The following ZNF512 variants were observed in gnomAD, a reference collection of about 807,000 sequenced individuals.
ZNF512 encodes zinc finger protein 512.
Under a neutral mutation model 77.5 loss-of-function variants are expected in ZNF512, and 25 were observed. That is an observed-to-expected ratio of 0.32 (90% CI 0.23 to 0.45). The LOEUF (loss-of-function observed/expected upper bound fraction) is 0.45. ZNF512 is among the 20% of genes least tolerant of loss of function. ZNF512 has a pLI of 1.00. For missense variants in ZNF512, 483 were observed against 692.6 expected (o/e 0.70, Z 3.40); for synonymous variants, 246 against 239.9 (o/e 1.03, Z -0.24).
intron 5 of ZNF512, 31 bp from the exon 6 acceptor site, chr2:27,600,659 GA>G: frequency 1.2e-6 from 2 of 1,602,992 alleles, no homozygotes; most frequent in Non-Finnish European, 1.7e-6. Flanking sequence ...GAATACTGCA[GA>G]TTACAAAGTG....
intron 2 of ZNF512, among the ~76,000 whole-genome samples, chr2:27,591,754 G>T (rs1355805301): frequency 6.6e-6 from 1 of 152,232 alleles, no homozygotes; most frequent in Non-Finnish European, 1.5e-5. Context: ...TGTTGCCCAG[G>T]CTGGTCTTGA....
At chr2:27,609,869 CAAA>C (rs34097136) in intron 10 of ZNF512, among the ~76,000 whole-genome samples, 1 of 131,204 alleles carries the variant, frequency 7.6e-6, no homozygotes, top group Non-Finnish European at 1.7e-5. Flanking sequence ...AAATCTGTCT[CAAA>C]AAAAAAAAAA....
rs1672048015 is a variant in ZNF512 at position 27,600,040 on chromosome 2, A to G, written c.444A>G (p.Pro148=). 6.2e-7 allele frequency: 1 copy of G among 1,614,164 alleles called. No homozygotes were observed. Among genetic ancestry groups the G allele is most frequent in the Non-Finnish European group, 8.5e-7 (1 of 1,180,024 alleles). ...CCCGTCGTATTCGGAAGGAACCACC[A>G]GTTTATGCAGCAGGTATGTTTTCTT... The part of the protein sequence containing the change: ...SQARRIRKEP[P]VYAAGSLEEQ... The change falls in exon 5 of 14, where the codon CCA becomes CCG. Residue 148 remains proline, a synonymous_variant. Transcript: ENST00000355467.
rs11273312 is a variant in ZNF512 at position 27,603,573 on chromosome 2, A to AGTGTGTGTGTGTGTGTGT, written c.936+280_936+281insGTGTGTGTGTGTGTGTGT. 2.8e-3 allele frequency among the ~76,000 whole-genome samples: 376 copies of AGTGTGTGTGTGTGTGTGT among 133,170 alleles called. 3 individuals carry two copies. The highest frequency in any genetic ancestry group is 9.5e-3 in the African/African-American group (307 of 32,420). The allele number at this position is 133,170 out of a possible 152,430, so 87.4% of individuals were successfully genotyped here. On this transcript the variant is annotated intron_variant, in intron 9 of 13. Transcript: ENST00000355467. Reference sequence around the variant, plus strand: ...TTTTATATCTTATATATTTTTATATAGTGTGTGTGTGTGTATATTTTTTTT... The same window carrying AGTGTGTGTGTGTGTGTGT: ...TTTTATATCTTATATATTTTTATATAGTGTGTGTGTGTGTGTGTGTGTGTGTGTGTGTATATTTTTTTT...
chr2:27,594,006 C>T (rs963050782), intron 2 of ZNF512, among the ~76,000 whole-genome samples: 38 of 152,222 alleles, frequency 2.5e-4, no homozygotes, highest in African/African-American at 8.2e-4. Flanking sequence ...TCGACAAAAC[C>T]GCCATCATCA....
chr2:27,618,299 T>C (rs557202424), intron 13 of ZNF512, among the ~76,000 whole-genome samples: 94 of 152,370 alleles, frequency 6.2e-4, no homozygotes, highest in African/African-American at 2.1e-3. Flanking sequence ...GAAATTCTTA[T>C]TTCACAGTGA....
intron 2 of ZNF512, among the ~76,000 whole-genome samples, chr2:27,594,288 C>T (rs865902821): frequency 2.0e-5 from 3 of 148,154 alleles, no homozygotes; most frequent in South Asian, 2.1e-4. Context: ...CTCCTCAGTT[C>T]GCAGACGGGG....
At chr2:27,594,435 A>G (rs1179550239) in intron 2 of ZNF512, among the ~76,000 whole-genome samples, 487 of 52,618 alleles carry the variant, frequency 9.3e-3, no homozygotes, top group African/African-American at 1.0e-2. Flanking sequence ...CTGGGCAGAG[A>G]CGCTCCTCAC....
intron 5 of ZNF512, 94 bp downstream of exon 5, chr2:27,600,147 T>C: frequency 7.2e-7 from 1 of 1,384,860 alleles, no homozygotes; most frequent in Non-Finnish European, 1.0e-6. Flanking sequence ...CTAAAGCATT[T>C]CTTTAAGGAG....
chr2:27,587,772 C>G (rs950536215), intron 2 of ZNF512, among the ~76,000 whole-genome samples: 3 of 151,948 alleles, frequency 2.0e-5, no homozygotes, highest in Non-Finnish European at 4.4e-5. Flanking sequence ...ACCTCCGCCT[C>G]CCAGATTCAA....
intron 6 of ZNF512, 70 bp from the exon 7 acceptor site, chr2:27,601,286 T>C: frequency 9.0e-7 from 1 of 1,116,964 alleles, no homozygotes; most frequent in Non-Finnish European, 1.3e-6. Context: ...TGAAAGCATT[T>C]GAGTCGGACT....
At chr2:27,619,199 C>T (rs1234368949) in intron 13 of ZNF512, among the ~76,000 whole-genome samples, 3 of 152,176 alleles carry the variant, frequency 2.0e-5, no homozygotes, top group African/African-American at 4.8e-5. Context: ...CACCTGAGGT[C>T]AGGAGTTCAA....
intron 13 of ZNF512, among the ~76,000 whole-genome samples, chr2:27,620,232 A>C (rs1673058944): frequency 6.6e-6 from 1 of 152,166 alleles, no homozygotes; most frequent in Non-Finnish European, 1.5e-5. Flanking sequence ...CAAGTCTTTG[A>C]GATTTGTTGT....
chr2:27,602,345 G>A, intron 7 of ZNF512, 118 bp from the exon 8 acceptor site: 1 of 905,854 alleles, frequency 1.1e-6, no homozygotes, highest in Non-Finnish European at 1.6e-6. Flanking sequence ...GAAAACTTGG[G>A]CTTCATTGGC....
At chr2:27,602,601 T>C in intron 8 of ZNF512, 40 bp downstream of exon 8, 2 of 1,558,368 alleles carry the variant, frequency 1.3e-6, no homozygotes, top group South Asian at 1.2e-5. Flanking sequence ...GCCTGAATTC[T>C]CAGGTCAATG....
At chr2:27,599,463 C>T in intron 3 of ZNF512, 120 bp from the exon 4 acceptor site, 1 of 699,010 alleles carries the variant, frequency 1.4e-6, no homozygotes, top group Non-Finnish European at 2.5e-6. Flanking sequence ...TTCTCTGAGG[C>T]CTGTGTTCAC....
chr2:27,593,195 TACAC>T (rs57568574), intron 2 of ZNF512, among the ~76,000 whole-genome samples: 27,545 of 111,856 alleles, frequency 0.25, 3,667 homozygotes, highest in East Asian at 0.5. Flanking sequence ...ACCCTGTCTC[TACAC>T]ACACACACAC....
chr2:27,603,154 C>T lies in ZNF512; in HGVS notation c.783C>T (p.Ser261=), dbSNP rs147552901. 5.5e-4 allele frequency: 886 copies of T among 1,614,128 alleles called. No homozygotes were observed. Among genetic ancestry groups the T allele is most frequent in the Non-Finnish European group, 6.9e-4 (820 of 1,180,018 alleles). Residue 261 remains serine, a synonymous_variant, in exon 9 of 14, where the codon AGC becomes AGT. Coordinates refer to ENST00000355467, the MANE Select transcript of ZNF512 (RefSeq NM_032434.4). The stretch of plus-strand genomic sequence containing the variant: ...CCTCTGTTCAGAGTTGCTCCAGTAG[C>T]TTCACCAGCATCATGGGATATCTCT... ...LRCMRESCSS[S]FTSIMGYLYH... is the part of the protein sequence containing the mutation.
chr2:27,616,357 T>C (rs749016908), intron 12 of ZNF512, 33 bp downstream of exon 12: 25 of 1,544,718 alleles, frequency 1.6e-5, no homozygotes, highest in Middle Eastern at 3.4e-4. Flanking sequence ...TATCTTAACA[T>C]GTCCTCTAAA....
Sources: gnomAD v4.1 joint callset for allele counts (sites outside exome capture counted in the v4.1 genomes callset) on GRCh38, gnomAD v4.1.1 for gene constraint, MANE v1.5 for transcripts, NCBI Gene and HGNC (gene_info 2026-07-23, HGNC 2026-07-21) for gene names.